The following CENPP variants were observed in gnomAD, a reference collection of about 807,000 sequenced individuals.
CENPP encodes the protein centromere protein P.
Under a neutral mutation model 35.6 loss-of-function variants are expected in CENPP, and 24 were observed. The ratio of observed to expected loss-of-function variants is 0.67; its 90% CI spans 0.49 to 0.95. The LOEUF is 0.95. CENPP is among the 40% of genes least tolerant of loss of function. CENPP has a pLI of 0.00. For synonymous variants in CENPP, 120 were observed against 125.5 expected, an observed-to-expected ratio of 0.96 and a Z score of 0.29; for missense variants, 332 against 345.3, an observed-to-expected ratio of 0.96 and a Z score of 0.31.
In CENPP at chr9:92,618,989, T is replaced by C. The variant is rs1851536277; in HGVS notation, c.*5840T>C. 1 of 258,992 alleles carries C rather than the reference T, an allele frequency of 3.9e-6. No homozygotes were observed. Among genetic ancestry groups the C allele is most frequent in the Admixed American group, 5.0e-5 (1 of 20,036 alleles). The allele number at this position is 258,992 out of a possible 1,614,324, so 16.0% of individuals were successfully genotyped here. A position where few individuals can be genotyped will look rare whatever the true frequency, so the allele number is the denominator to read the frequency against. On this transcript the variant is annotated 3_prime_UTR_variant, in exon 8 of 8. Transcript: ENST00000375587. The stretch of plus-strand genomic sequence containing the variant: ...AACAGAGGGGACTGGACAAAACTAG[T>C]GACATTAGGGAGAGGGGCGGCACAT...
rs117400098 is a variant in CENPP, at chr9:92,375,354, G to A, written c.468-4409G>A. 2.4e-3 allele frequency among the ~76,000 whole-genome samples: 370 copies of A among 151,692 alleles called. 14 individuals carry two copies. The East Asian group carries it at 0.053, about 22-fold the overall frequency. Reference sequence around the variant, plus strand: ...ATTGCCCAGGCTGGAGCGCAGTGCCGCAATCTCAGTTCGCTGCAACCTCTG... The same window carrying A: ...ATTGCCCAGGCTGGAGCGCAGTGCCACAATCTCAGTTCGCTGCAACCTCTG... On this transcript the variant is annotated intron_variant, in intron 4 of 7. Transcript: ENST00000375587.
chr9:92,334,895 C>CA (rs769231688), intron 2 of CENPP, among the ~76,000 whole-genome samples: 11 of 145,966 alleles, frequency 7.5e-5, no homozygotes, highest in Admixed American at 2.0e-4. Context: ...ACCAAAAAAA[C>CA]AAAAAAAAAG....
chr9:92,346,484 G>T (rs1012573416), intron 4 of CENPP, among the ~76,000 whole-genome samples: 2 of 152,200 alleles, frequency 1.3e-5, no homozygotes, highest in Non-Finnish European at 1.5e-5. Flanking sequence ...GAGCCTAGGA[G>T]AATGGTGTAA....
intron 5 of CENPP, among the ~76,000 whole-genome samples, chr9:92,386,490 A>T (rs1842427603): frequency 6.6e-6 from 1 of 152,128 alleles, no homozygotes; most frequent in East Asian, 1.9e-4. Context: ...CGTGTAGTGT[A>T]TTTTGATCCT....
chr9:92,551,619 T>A (rs1257419241), intron 5 of CENPP, among the ~76,000 whole-genome samples: 2 of 152,030 alleles, frequency 1.3e-5, no homozygotes, highest in Non-Finnish European at 2.9e-5. Flanking sequence ...GGTGTACCCA[T>A]CACCCAAGCA....
At position 92,471,879 on chromosome 9, in the gene CENPP, C is replaced by T. The variant is rs184188976; in HGVS notation, c.564+92020C>T. The stretch of plus-strand genomic sequence containing the variant: ...TTCGCCATGTTGGCCAGGCTAGTCT[C>T]GAACTCCTGGACTCAAGCGAGATGC... On this transcript the variant is annotated intron_variant, in intron 5 of 7. Coordinates refer to ENST00000375587, the MANE Select transcript of CENPP (RefSeq NM_001012267.3). Among the ~76,000 whole-genome samples, 678 of 152,130 alleles carry T rather than the reference C, an allele frequency of 4.5e-3. 4 individuals are homozygous for T. The highest frequency in any genetic ancestry group is 7.4e-3 in the Non-Finnish European group (501 of 67,998).
chr9:92,465,297 C>T (rs761338710), intron 5 of CENPP, among the ~76,000 whole-genome samples: 1 of 152,218 alleles, frequency 6.6e-6, no homozygotes, highest in African/African-American at 2.4e-5. Context: ...CATTTTCACT[C>T]TCCTCCAACC....
chr9:92,515,107 T>C, intron 5 of CENPP: 1 of 1,614,018 alleles, frequency 6.2e-7, no homozygotes, highest in Non-Finnish European at 8.5e-7. Context: ...TGGCAGTTGC[T>C]TATGAAGTAA....
chr9:92,599,594 T>C (rs943324621), intron 5 of CENPP, among the ~76,000 whole-genome samples: 1 of 152,106 alleles, frequency 6.6e-6, no homozygotes, highest in Non-Finnish European at 1.5e-5. Flanking sequence ...TTTTTGTATT[T>C]TTAGTACAGA....
At chr9:92,451,450 A>G (rs1374809049) in intron 5 of CENPP, among the ~76,000 whole-genome samples, 1 of 147,392 alleles carries the variant, frequency 6.8e-6, no homozygotes, top group Non-Finnish European at 1.5e-5. Context: ...TGTTCCATTG[A>G]TCTATATCTC....
At position 92,494,009 on chromosome 9, in the gene CENPP, G is replaced by A. The variant is rs1032543347; in HGVS notation, c.564+114150G>A. On this transcript the variant is annotated intron_variant, in intron 5 of 7. Transcript: ENST00000375587. ...GCCCTCAGGCCCCAGTGTGCTCGTCGCATTGTCACCCATTTTTCTGACTGC... is the reference window on the plus strand; with the variant it reads ...GCCCTCAGGCCCCAGTGTGCTCGTCACATTGTCACCCATTTTTCTGACTGC... The A allele has an allele frequency of 2.4e-5, 36 of 1,481,664 alleles. No individual in the cohort carries two copies. In the African/African-American group the frequency reaches 4.0e-4, roughly 17 times the overall value. The allele number at this position is 1,481,664 out of a possible 1,614,324, so 91.8% of individuals were successfully genotyped here.
Position 92,432,239 on chromosome 9 carries a change from C to G in CENPP, c.564+52380C>G, listed in dbSNP as rs540550987. 1.2e-4 allele frequency among the ~76,000 whole-genome samples: 18 copies of G among 151,962 alleles called. No individual in the cohort carries two copies. The East Asian group carries it at 3.3e-3, about 28-fold the overall frequency. ...ACTTGGGAGGCTGAGGCAGGAGAATCGCTTGAACCTGGGAGGCAGAGGTTG... is the reference window on the plus strand; with the variant it reads ...ACTTGGGAGGCTGAGGCAGGAGAATGGCTTGAACCTGGGAGGCAGAGGTTG... On this transcript the variant is annotated intron_variant, in intron 5 of 7. Coordinates refer to ENST00000375587, the MANE Select transcript of CENPP (RefSeq NM_001012267.3).
At chr9:92,592,545 C>T (rs1309503622) in intron 5 of CENPP, among the ~76,000 whole-genome samples, 1 of 152,186 alleles carries the variant, frequency 6.6e-6, no homozygotes, top group African/African-American at 2.4e-5. Flanking sequence ...CTTTATCCAT[C>T]ATACTGTTCC....
At chr9:92,407,534 T>C (rs1270787957) in intron 5 of CENPP, among the ~76,000 whole-genome samples, 2 of 152,212 alleles carry the variant, frequency 1.3e-5, no homozygotes, top group African/African-American at 2.4e-5. Flanking sequence ...GCTTTTACTC[T>C]ACAGGAGTAA....
chr9:92,493,235 C>T (rs969513195), intron 5 of CENPP, among the ~76,000 whole-genome samples: 2 of 152,172 alleles, frequency 1.3e-5, no homozygotes, highest in African/African-American at 4.8e-5. Context: ...GAGGTCTGTT[C>T]ACTTCCTTAT....
intron 5 of CENPP, among the ~76,000 whole-genome samples, chr9:92,478,452 TTTTG>T (rs895964807): frequency 1.3e-5 from 2 of 152,150 alleles, no homozygotes; most frequent in Admixed American, 6.5e-5. Flanking sequence ...TTTTGGGGTT[TTTTG>T]TTTGTTTGTT....
chr9:92,387,419 A>G (rs1842480522), intron 5 of CENPP, among the ~76,000 whole-genome samples: 1 of 152,084 alleles, frequency 6.6e-6, no homozygotes. Context: ...ATGTTTCCCA[A>G]AGCAGTTTAG....
chr9:92,385,703 G>A, intron 5 of CENPP: 1 of 1,614,092 alleles, frequency 6.2e-7, no homozygotes, highest in Non-Finnish European at 8.5e-7. Flanking sequence ...TTGCCCTCCA[G>A]GCGTATCTCT....
intron 5 of CENPP, among the ~76,000 whole-genome samples, chr9:92,452,117 C>G (rs1844729183): frequency 8.4e-6 from 1 of 118,396 alleles, no homozygotes; most frequent in South Asian, 2.4e-4. Context: ...TTGCCCTGGC[C>G]AGAACTTCCA....
Sources: gnomAD v4.1 joint callset for allele counts (sites outside exome capture counted in the v4.1 genomes callset) on GRCh38, gnomAD v4.1.1 for gene constraint, MANE v1.5 for transcripts, NCBI Gene and HGNC (gene_info 2026-07-23, HGNC 2026-07-21) for gene names.